Variants in EPM2A observed in about 807,000 individuals in gnomAD.
The protein encoded by EPM2A is laforin.
EPM2A carries 21 observed loss-of-function variants against 26.5 expected under a neutral mutation model. That is an observed-to-expected ratio of 0.79 (90% confidence interval 0.56 to 1.14). The LOEUF (loss-of-function observed/expected upper bound fraction) is 1.14. Among genes scored for constraint, EPM2A ranks in the 50% most tolerant of loss-of-function variants. The pLI, the probability that EPM2A is intolerant of heterozygous loss-of-function variation, is 0.00. For synonymous variants in EPM2A, 217 were observed against 177.6 expected, an observed-to-expected ratio of 1.22 and a Z score of -1.76; for missense variants, 458 against 440.8, an observed-to-expected ratio of 1.04 and a Z score of -0.35.
intron 3 of EPM2A, among the ~76,000 whole-genome samples, chr6:145,634,161 C>T (rs1167275534): frequency 6.6e-6 from 1 of 152,118 alleles, no homozygotes; most frequent in African/African-American, 2.4e-5. Context: ...CTTAGCCTCT[C>T]CCATTTCTGA....
At chr6:145,391,404 C>G (rs4896799) in intron 4 of EPM2A, among the ~76,000 whole-genome samples, 40,355 of 152,016 alleles carry the variant, frequency 0.27, 5,709 homozygotes, top group Non-Finnish European at 0.32. Flanking sequence ...TTTGTGTCCT[C>G]TACTTCACCT....
intron 2 of EPM2A, among the ~76,000 whole-genome samples, chr6:145,594,560 A>G (rs1020572594): frequency 6.6e-6 from 1 of 151,924 alleles, no homozygotes; most frequent in Non-Finnish European, 1.5e-5. Context: ...ATACAGTAAA[A>G]TATTAGCAAA....
At chr6:145,582,835 G>C (rs1174318104) in intron 2 of EPM2A, among the ~76,000 whole-genome samples, 3 of 152,204 alleles carry the variant, frequency 2.0e-5, no homozygotes, top group South Asian at 2.1e-4. Flanking sequence ...ACAGGTCTCA[G>C]AAGTTTTGCT....
At chr6:145,429,808 T>C (rs1778899437) in intron 4 of EPM2A, among the ~76,000 whole-genome samples, 1 of 152,292 alleles carries the variant, frequency 6.6e-6, no homozygotes, top group East Asian at 1.9e-4. Flanking sequence ...AGAAAGCATA[T>C]AGGATTGTGA....
intron 4 of EPM2A, chr6:145,492,088 T>C: frequency 4.0e-6 from 1 of 247,146 alleles, no homozygotes; most frequent in Non-Finnish European, 7.9e-6. Flanking sequence ...CTCTTCAACC[T>C]CCATGGCCAT....
intron 2 of EPM2A, among the ~76,000 whole-genome samples, chr6:145,591,636 G>A (rs1328419092): frequency 1.3e-5 from 2 of 151,952 alleles, no homozygotes; most frequent in African/African-American, 4.8e-5. Flanking sequence ...CACTTTATCA[G>A]GCAAAAAGCA....
intron 1 of EPM2A, 106 bp downstream of exon 1, chr6:145,735,092 C>T: frequency 1.4e-6 from 1 of 730,794 alleles, no homozygotes; most frequent in Non-Finnish European, 1.9e-6. Flanking sequence ...AAGCCCGGGA[C>T]GCGCGCCGCC....
intron 2 of EPM2A, among the ~76,000 whole-genome samples, chr6:145,604,161 T>A (rs971886319): frequency 1.3e-5 from 2 of 152,110 alleles, no homozygotes; most frequent in Non-Finnish European, 2.9e-5. Flanking sequence ...GAATAGCCAT[T>A]AAAAAGTTTA....
At chr6:145,579,007 G>C (rs1015486384) in intron 2 of EPM2A, among the ~76,000 whole-genome samples, 1 of 152,036 alleles carries the variant, frequency 6.6e-6, no homozygotes, top group Non-Finnish European at 1.5e-5. Context: ...GTGGTGGGGT[G>C]GGGGGAATGG....
chr6:145,425,187 T>A (rs1184537545), intron 4 of EPM2A, among the ~76,000 whole-genome samples: 1 of 136,810 alleles, frequency 7.3e-6, no homozygotes, highest in Non-Finnish European at 1.6e-5. Flanking sequence ...TCTCTCTTTC[T>A]TTCTTTGACG....
chr6:145,399,522 T>C (rs1382515206), intron 4 of EPM2A, among the ~76,000 whole-genome samples: 4 of 152,188 alleles, frequency 2.6e-5, no homozygotes, highest in Non-Finnish European at 5.9e-5. Flanking sequence ...TTCCTGGTTA[T>C]GGGATTTATG....
At chr6:145,685,993 C>CA in intron 2 of EPM2A, 129 bp downstream of exon 2, 2 of 782,588 alleles carry the variant, frequency 2.6e-6, no homozygotes, top group East Asian at 5.3e-5. Flanking sequence ...ATTTTCTCCT[C>CA]AAAGTACTAC....
chr6:145,462,929 C>A lies in EPM2A; in HGVS notation c.555+39593G>T, dbSNP rs17075197. On this transcript the variant is annotated intron_variant, in intron 4 of 4. Transcript: ENST00000638717. The stretch of plus-strand genomic sequence containing the variant: ...TATAGTTGATTTAATACCAAGATTT[C>A]TTTCCGAATATTAAAATGTCATATT... 1.5e-3 allele frequency among the ~76,000 whole-genome samples: 233 copies of A among 152,262 alleles called. 4 individuals carry two copies. The East Asian group carries it at 0.044, about 29-fold the overall frequency.
intron 2 of EPM2A, among the ~76,000 whole-genome samples, chr6:145,641,470 T>C (rs1279123346): frequency 6.6e-6 from 1 of 152,172 alleles, no homozygotes; most frequent in East Asian, 1.9e-4. Flanking sequence ...CCTCCAGAAC[T>C]GTGAAATAAT....
rs1053990407 is a variant in EPM2A at position 145,723,928 on chromosome 6, A to C, written c.301+11270T>G. ...TAAACTTTGACAGAGTCATACAAAG[A>C]ACAAACAGAAAGAAAAGAAAAATTT... On this transcript the variant is annotated intron_variant, in intron 1 of 3. Coordinates refer to ENST00000367519, the MANE Select transcript of EPM2A (RefSeq NM_005670.4). 2.6e-5 allele frequency among the ~76,000 whole-genome samples: 4 copies of C among 152,180 alleles called. No individual in the cohort carries two copies. The East Asian group carries it at 5.8e-4, about 22-fold the overall frequency.
intron 2 of EPM2A, among the ~76,000 whole-genome samples, chr6:145,674,893 T>C (rs757713415): frequency 5.0e-4 from 76 of 152,286 alleles, no homozygotes; most frequent in Non-Finnish European, 7.3e-4. Flanking sequence ...TTCTCCAACC[T>C]GGTAAGGCAG....
At chr6:145,490,407 G>A (rs1779739050) in intron 4 of EPM2A, 2 of 794,994 alleles carry the variant, frequency 2.5e-6, no homozygotes, top group Non-Finnish European at 4.4e-6. Context: ...ATTTGAGGGT[G>A]CTATTTCTAG....
intron 2 of EPM2A, among the ~76,000 whole-genome samples, chr6:145,565,274 C>T (rs1400339160): frequency 6.6e-6 from 1 of 152,168 alleles, no homozygotes; most frequent in Non-Finnish European, 1.5e-5. Flanking sequence ...ACACAGTCCC[C>T]TCACATGGCA....
intron 2 of EPM2A, among the ~76,000 whole-genome samples, chr6:145,645,443 C>T (rs1054721821): frequency 1.3e-5 from 2 of 152,080 alleles, no homozygotes; most frequent in Non-Finnish European, 2.9e-5. Flanking sequence ...AGTAGGACTA[C>T]AGGCATGTGT....
Sources: allele counts gnomAD v4.1 joint callset (sites outside exome capture counted in the v4.1 genomes callset), GRCh38; gene constraint gnomAD v4.1.1; transcripts MANE v1.5; gene names NCBI Gene and HGNC (gene_info 2026-07-23, HGNC 2026-07-21).